The following ASAP1 variants were observed in gnomAD, a reference collection of about 807,000 sequenced individuals.
ASAP1 encodes the protein arf-GAP with SH3 domain, ANK repeat and PH domain-containing protein 1.
Under a neutral mutation model 145.2 loss-of-function variants are expected in ASAP1, and 43 were observed. That is an observed-to-expected ratio of 0.30 (90% CI 0.23 to 0.38). The LOEUF is 0.38. ASAP1 is among the 10% of genes least tolerant of loss of function. The pLI, the probability that ASAP1 is intolerant of heterozygous loss-of-function variation, is 1.00. For missense variants in ASAP1, 1,018 were observed against 1,355.3 expected (o/e 0.75, Z 3.91); for synonymous variants, 546 against 515.5 (o/e 1.06, Z -0.80).
At chr8:130,156,686 C>T (rs2097658837) in intron 12 of ASAP1, among the ~76,000 whole-genome samples, 1 of 152,100 alleles carries the variant, frequency 6.6e-6, no homozygotes, top group African/African-American at 2.4e-5. Context: ...GTCAGAAGAC[C>T]CAGGTTCAAA....
chr8:130,440,513 A>G lies in ASAP1; in HGVS notation c.-28+2947T>C, dbSNP rs373331805. Among the ~76,000 whole-genome samples, 294 of 152,102 alleles carry G rather than the reference A, an allele frequency of 1.9e-3. 3 individuals carry two copies. Among genetic ancestry groups the G allele is most frequent in the Non-Finnish European group, 3.2e-3 (217 of 67,980 alleles). ...CAGACCTAGACTCTGTCAAAAAAAA[A>G]AAAAAAAGAGTCAATCAGATATCAC... On this transcript the variant is annotated intron_variant, in intron 1 of 29. Coordinates refer to ENST00000518721, the MANE Select transcript of ASAP1 (RefSeq NM_018482.4).
At chr8:130,132,496 G>A (rs1442872244) in intron 15 of ASAP1, among the ~76,000 whole-genome samples, 2 of 152,034 alleles carry the variant, frequency 1.3e-5, no homozygotes, top group Admixed American at 1.3e-4. Context: ...CTTCCCCTAC[G>A]TTCCTGAGCC....
intron 3 of ASAP1, among the ~76,000 whole-genome samples, chr8:130,265,045 G>T (rs149166416): frequency 6.6e-6 from 1 of 152,280 alleles, no homozygotes; most frequent in East Asian, 1.9e-4. Flanking sequence ...ATCTTTCAAA[G>T]AATATTGTGA....
At chr8:130,331,801 T>TAC (rs1279194633) in intron 3 of ASAP1, among the ~76,000 whole-genome samples, 3 of 151,844 alleles carry the variant, frequency 2.0e-5, no homozygotes, top group Non-Finnish European at 2.9e-5. Context: ...TAGAAACACA[T>TAC]ACACACACAC....
chr8:130,251,036 C>T (rs1420204913), intron 3 of ASAP1, among the ~76,000 whole-genome samples: 1 of 152,164 alleles, frequency 6.6e-6, no homozygotes, highest in African/African-American at 2.4e-5. Flanking sequence ...AATTAAATAA[C>T]TAATTACAAT....
intron 24 of ASAP1, among the ~76,000 whole-genome samples, chr8:130,097,717 G>A (rs1045911207): frequency 5.3e-5 from 8 of 151,564 alleles, no homozygotes; most frequent in Admixed American, 3.3e-4. Context: ...CACATTCCTG[G>A]GCCCAACAAT....
At chr8:130,152,245 C>G (rs760591124) in intron 13 of ASAP1, among the ~76,000 whole-genome samples, 8 of 152,208 alleles carry the variant, frequency 5.3e-5, no homozygotes, top group Middle Eastern at 3.2e-3. Context: ...TTGGCATATA[C>G]TTTGCCATTT....
intron 5 of ASAP1, among the ~76,000 whole-genome samples, chr8:130,209,208 A>G (rs929631296): frequency 3.9e-5 from 6 of 152,192 alleles, no homozygotes; most frequent in Non-Finnish European, 5.9e-5. Context: ...ACAACCAATA[A>G]AGTATGCAGA....
intron 5 of ASAP1, among the ~76,000 whole-genome samples, chr8:130,205,382 G>GAAAAAAAAA (rs771590453): frequency 7.0e-5 from 4 of 57,036 alleles, no homozygotes; most frequent in Non-Finnish European, 1.1e-4. Context: ...ATCCTTATAA[G>GAAAAAAAAA]AAAAAAAAAA....
rs117407554 is a variant in ASAP1 at position 130,343,817 on chromosome 8, T to C, written c.186+14200A>G. Among the ~76,000 whole-genome samples the C allele has an allele frequency of 5.8e-4, 88 of 152,304 alleles. 1 individual carries two copies. In the East Asian group the frequency reaches 0.017, roughly 29 times the overall value. ...GAGGGAAACATTTAATACAATGACA[T>C]GCCTTTTTAAATATTATTGAAGACT... On this transcript the variant is annotated intron_variant, in intron 3 of 29. Transcript: ENST00000518721.
chr8:130,286,720 G>C (rs1278981518), intron 3 of ASAP1, among the ~76,000 whole-genome samples: 1 of 152,188 alleles, frequency 6.6e-6, no homozygotes, highest in Non-Finnish European at 1.5e-5. Context: ...TGGGGAAAAT[G>C]ATCAAGATTC....
intron 2 of ASAP1, among the ~76,000 whole-genome samples, chr8:130,391,219 A>G (rs1388961151): frequency 6.6e-6 from 1 of 152,206 alleles, no homozygotes; most frequent in Non-Finnish European, 1.5e-5. Context: ...AAAGATACCT[A>G]GAGTAGTCAA....
chr8:130,396,130 T>C (rs1404646880), intron 2 of ASAP1, among the ~76,000 whole-genome samples: 1 of 152,166 alleles, frequency 6.6e-6, no homozygotes. Flanking sequence ...TAGTAGGTCG[T>C]CAGAAAAGTG....
intron 11 of ASAP1, among the ~76,000 whole-genome samples, chr8:130,160,451 A>C (rs2097666774): frequency 6.6e-6 from 1 of 152,228 alleles, no homozygotes; most frequent in South Asian, 2.1e-4. Context: ...AGGTTTTAAC[A>C]ATTATTATGT....
intron 11 of ASAP1, among the ~76,000 whole-genome samples, chr8:130,165,430 T>C (rs2097678050): frequency 6.6e-6 from 1 of 152,238 alleles, no homozygotes; most frequent in Admixed American, 6.5e-5. Flanking sequence ...GTCTTTTTAA[T>C]GCTCTTACAC....
At chr8:130,242,992 T>G (rs933998167) in intron 3 of ASAP1, among the ~76,000 whole-genome samples, 1 of 152,102 alleles carries the variant, frequency 6.6e-6, no homozygotes, top group African/African-American at 2.4e-5. Flanking sequence ...ATCATCAAAC[T>G]TGGGTTTTTA....
chr8:130,177,285 C>G (rs1448820676), intron 9 of ASAP1, among the ~76,000 whole-genome samples: 2 of 152,220 alleles, frequency 1.3e-5, no homozygotes, highest in African/African-American at 4.8e-5. Flanking sequence ...AAAGCATCTT[C>G]TATTTTGAAA....
chr8:130,240,709 A>C (rs1818472496), intron 3 of ASAP1, among the ~76,000 whole-genome samples: 1 of 152,160 alleles, frequency 6.6e-6, no homozygotes, highest in Non-Finnish European at 1.5e-5. Context: ...GGAGAATGTA[A>C]AGTTGTGCCA....
intron 5 of ASAP1, among the ~76,000 whole-genome samples, chr8:130,193,081 CAAG>C (rs1815250241): frequency 6.6e-6 from 1 of 151,906 alleles, no homozygotes; most frequent in Admixed American, 6.6e-5. Context: ...ATTTGCATAA[CAAG>C]GAGGAAAAAA....
Sources: allele counts gnomAD v4.1 joint callset (sites outside exome capture counted in the v4.1 genomes callset), GRCh38; gene constraint gnomAD v4.1.1; transcripts MANE v1.5; gene names NCBI Gene and HGNC (gene_info 2026-07-23, HGNC 2026-07-21).